The following AK9 variants were observed in gnomAD, a reference collection of about 807,000 sequenced individuals.
AK9 encodes the protein adenylate kinase 9, also known as adenylate kinase domain containing 1.
In AK9, 191 loss-of-function variants were observed where a neutral mutation model predicts 239.6. The ratio of observed to expected loss-of-function variants is 0.80; its 90% CI spans 0.71 to 0.90. AK9 has a LOEUF of 0.90. Among genes scored for constraint, AK9 ranks in the 40% least tolerant of loss-of-function variants. The pLI is 0.00. For missense variants in AK9, 1,995 were observed against 2,214.7 expected (o/e 0.90, Z 1.99); for synonymous variants, 689 against 721.0 (o/e 0.96, Z 0.71).
chr6:109,543,641 T>A (rs909908750), intron 26 of AK9, among the ~76,000 whole-genome samples: 11 of 151,520 alleles, frequency 7.3e-5, no homozygotes, highest in African/African-American at 2.7e-4. Context: ...AGAGACGGGG[T>A]TTCACCACGT....
chr6:109,586,294 T>C (rs1364083790), intron 17 of AK9, among the ~76,000 whole-genome samples: 3 of 152,148 alleles, frequency 2.0e-5, no homozygotes, highest in Admixed American at 6.5e-5. Flanking sequence ...TGCATGCCTG[T>C]AGTATCAGCT....
intron 33 of AK9, among the ~76,000 whole-genome samples, chr6:109,507,682 T>C (rs1778250087): frequency 6.6e-6 from 1 of 152,126 alleles, no homozygotes; most frequent in African/African-American, 2.4e-5. Context: ...GGAAGTTTGG[T>C]TTGACCTAAG....
At chr6:109,567,871 T>A (rs1413664181) in intron 21 of AK9, among the ~76,000 whole-genome samples, 2 of 124,690 alleles carry the variant, frequency 1.6e-5, no homozygotes, top group Non-Finnish European at 3.4e-5. Flanking sequence ...ACCCTAGAAC[T>A]TAAAGTAAAA....
chr6:109,585,027 C>T, intron 19 of AK9, 96 bp downstream of exon 19: 1 of 797,448 alleles, frequency 1.3e-6, no homozygotes, highest in Non-Finnish European at 1.6e-6. Flanking sequence ...ATTATCATTT[C>T]AATATTAAAT....
At chr6:109,504,718 A>G (rs929915024) in intron 35 of AK9, among the ~76,000 whole-genome samples, 2 of 152,208 alleles carry the variant, frequency 1.3e-5, no homozygotes, top group African/African-American at 4.8e-5. Flanking sequence ...CTGAGGCACA[A>G]GAATTGCTTG....
chr6:109,564,647 T>C, intron 22 of AK9, 109 bp downstream of exon 22: 1 of 763,626 alleles, frequency 1.3e-6, no homozygotes, highest in Non-Finnish European at 2.0e-6. Context: ...GCATACAACA[T>C]AGAAAGAAAT....
intron 12 of AK9, among the ~76,000 whole-genome samples, chr6:109,623,524 A>T (rs1795119137): frequency 6.6e-6 from 1 of 152,126 alleles, no homozygotes; most frequent in South Asian, 2.1e-4. Context: ...GTGTCAGATG[A>T]GTGCAGCCCC....
chr6:109,563,533 A>C (rs1786044412), intron 24 of AK9, 64 bp downstream of exon 24: 1 of 1,526,866 alleles, frequency 6.5e-7, no homozygotes, highest in Non-Finnish European at 8.8e-7. Flanking sequence ...GATAGTTACC[A>C]CTCTTATTTG....
At chr6:109,522,332 G>A (rs1425681583) in intron 29 of AK9, among the ~76,000 whole-genome samples, 1 of 151,844 alleles carries the variant, frequency 6.6e-6, no homozygotes, top group Non-Finnish European at 1.5e-5. Flanking sequence ...CTTCAATACT[G>A]GGAACTTTTC....
At chr6:109,649,600 G>T (rs1192090522) in intron 8 of AK9, among the ~76,000 whole-genome samples, 1 of 152,164 alleles carries the variant, frequency 6.6e-6, no homozygotes, top group Non-Finnish European at 1.5e-5. Flanking sequence ...CAAACAAATG[G>T]AAGAACATTC....
At position 109,659,288 on chromosome 6, in the gene AK9, T is replaced by C; in HGVS notation, c.570A>G (p.Glu190=). ...CTTCTCCTTTTCCGTCCTTTTGGGC[T>C]TCTTTCTTCTTTTTCCTATGATTCT... ...VIENHRKKKK[E]AQKDGKGEEE... Residue 190 remains glutamate (E), a synonymous_variant, in exon 7 of 41, where the codon GAA becomes GAG. Transcript: ENST00000424296. 6.2e-7 allele frequency: 1 copy of C among 1,606,476 alleles called. No homozygotes were observed. The highest frequency in any genetic ancestry group is 8.5e-7 in the Non-Finnish European group (1 of 1,178,114).
intron 28 of AK9, among the ~76,000 whole-genome samples, chr6:109,529,866 G>A (rs1324274692): frequency 2.0e-5 from 3 of 152,144 alleles, no homozygotes; most frequent in Non-Finnish European, 4.4e-5. Context: ...AAATACAGAT[G>A]AAGCTTCACT....
chr6:109,596,199 G>A (rs1168669138), intron 17 of AK9, among the ~76,000 whole-genome samples: 1 of 152,174 alleles, frequency 6.6e-6, no homozygotes, highest in Non-Finnish European at 1.5e-5. Context: ...GGGCTGTCAG[G>A]TGGAAGGCAG....
chr6:109,630,724 C>T (rs966016296), intron 12 of AK9, among the ~76,000 whole-genome samples: 1 of 151,890 alleles, frequency 6.6e-6, no homozygotes, highest in African/African-American at 2.4e-5. Context: ...GTGCATCTGT[C>T]ATCCCAGCTA....
intron 1 of AK9, among the ~76,000 whole-genome samples, chr6:109,684,143 G>A (rs1251399148): frequency 1.3e-5 from 2 of 152,116 alleles, no homozygotes; most frequent in African/African-American, 4.8e-5. Context: ...AAAAAGCAAT[G>A]GGGAAAAGAT....
At chr6:109,678,258 G>T (rs571756605) in intron 1 of AK9, among the ~76,000 whole-genome samples, 3 of 152,284 alleles carry the variant, frequency 2.0e-5, no homozygotes, top group Admixed American at 2.0e-4. Flanking sequence ...GATACATGCA[G>T]CAACGTGTAT....
chr6:109,556,533 T>G (rs1348496523), intron 24 of AK9, among the ~76,000 whole-genome samples: 1 of 152,186 alleles, frequency 6.6e-6, no homozygotes, highest in African/African-American at 2.4e-5. Context: ...CTGTATTTCC[T>G]GAATTTGAAT....
At chr6:109,629,635 ATTT>A (rs992623558) in intron 12 of AK9, among the ~76,000 whole-genome samples, 3 of 148,130 alleles carry the variant, frequency 2.0e-5, no homozygotes, top group Admixed American at 6.7e-5. Flanking sequence ...TATTTGAAAA[ATTT>A]TTTTTTTTTT....
intron 5 of AK9, among the ~76,000 whole-genome samples, chr6:109,666,408 C>T (rs1404583913): frequency 6.6e-6 from 1 of 152,202 alleles, no homozygotes; most frequent in African/African-American, 2.4e-5. Flanking sequence ...TCCCACCCCA[C>T]ATGTCCTTGA....
Sources: allele counts gnomAD v4.1 joint callset (sites outside exome capture counted in the v4.1 genomes callset), GRCh38; gene constraint gnomAD v4.1.1; transcripts MANE v1.5; gene names NCBI Gene and HGNC (gene_info 2026-07-23, HGNC 2026-07-21).